The following TOP1 variants were observed in gnomAD, a reference collection of about 807,000 sequenced individuals.
The protein encoded by TOP1 is DNA topoisomerase I.
A neutral mutation model predicts 111.1 loss-of-function variants in TOP1; 10 were observed. The ratio of observed to expected loss-of-function variants is 0.09; its 90% CI spans 0.06 to 0.15. The LOEUF (loss-of-function observed/expected upper bound fraction) is 0.15, where lower values mean the gene tolerates loss of function less well. Ranked by LOEUF, TOP1 falls within the 10% of genes least tolerant of loss-of-function variation. The probability of loss-of-function intolerance (pLI) is 1.00; values close to 1 mark genes in which losing one functional copy is unlikely to be tolerated. For missense variants in TOP1, 474 were observed against 926.7 expected (o/e 0.51, Z 6.34); for synonymous variants, 271 against 302.9 (o/e 0.89, Z 1.10).
Position 41,102,970 on chromosome 20 carries a change from C to T in TOP1, c.1308+1617C>T, listed in dbSNP as rs2034087824. 6.6e-6 allele frequency among the ~76,000 whole-genome samples: 1 copy of T among 152,054 alleles called. No homozygotes were observed. Among genetic ancestry groups the T allele is most frequent in the African/African-American group, 2.4e-5 (1 of 41,388 alleles). ...TGGGTCTTAAAAGTAGTATTTCAAA[C>T]AAGAGAGAACTGTGTCGTGGACAAA... On this transcript the variant is annotated intron_variant, in intron 13 of 20. Coordinates refer to ENST00000361337, the MANE Select transcript of TOP1 (RefSeq NM_003286.4). The surrounding 1 kb of genome is among the most constrained non-coding windows in gnomAD (Gnocchi z 4.0).
At position 41,114,657 on chromosome 20, in the gene TOP1, C is replaced by A. The variant is rs1259613072; in HGVS notation, c.1638+502C>A. 6.6e-6 allele frequency among the ~76,000 whole-genome samples: 1 copy of A among 152,186 alleles called. No individual in the cohort carries two copies. The highest frequency in any genetic ancestry group is 2.1e-4 in the South Asian group (1 of 4,830). On this transcript the variant is annotated intron_variant, in intron 15 of 20. Transcript: ENST00000361337. This position sits in a 1 kb window ranked among gnomAD's most constrained non-coding sequence, Gnocchi z 4.5. The stretch of plus-strand genomic sequence containing the variant: ...CCCTGGTCATGTGGTACATTTGTCA[C>A]TTTTCATCTTTGCTCAGCCTTTCTC...
In TOP1 at chr20:41,071,266, G is replaced by C. The variant is rs2145932119; in HGVS notation, c.156-4905G>C. Among the ~76,000 whole-genome samples, 1 of 152,198 alleles carries C rather than the reference G, an allele frequency of 6.6e-6. No individual in the cohort carries two copies. Among genetic ancestry groups the C allele is most frequent in the South Asian group, 2.1e-4 (1 of 4,824 alleles). On this transcript the variant is annotated intron_variant, in intron 3 of 20. Transcript: ENST00000361337. This position sits in a 1 kb window ranked among gnomAD's most constrained non-coding sequence, Gnocchi z 4.3. ...GTCACCCTTTTCTGTGGTCTGCTTA[G>C]CTCCAACAAGAATCATAGACCAAAG...
At chr20:41,031,316 G>A (rs886358462) in intron 2 of TOP1, among the ~76,000 whole-genome samples, 2 of 152,182 alleles carry the variant, frequency 1.3e-5, no homozygotes, top group African/African-American at 4.8e-5. Context: ...GAGGAAGGTG[G>A]GATCTTTAAT....
Position 41,069,995 on chromosome 20 carries a change from C to T in TOP1, c.156-6176C>T, listed in dbSNP as rs1297506506. ...CAGGGTGGAATAGTAGAAAATGAGA[C>T]CCAAAAAAGTGGCTTGAGGCAAAAC... On this transcript the variant is annotated intron_variant, in intron 3 of 20. Transcript: ENST00000361337. The surrounding 1 kb of genome is among the most constrained non-coding windows in gnomAD (Gnocchi z 4.1). Among the ~76,000 whole-genome samples the T allele has an allele frequency of 6.6e-6, 1 of 151,950 alleles. No individual in the cohort carries two copies. The highest frequency in any genetic ancestry group is 6.6e-5 in the Admixed American group (1 of 15,246).
rs978538227 is a variant in TOP1 at position 41,069,716 on chromosome 20, A to C, written c.156-6455A>C. Among the ~76,000 whole-genome samples, 7 of 152,214 alleles carry C rather than the reference A, an allele frequency of 4.6e-5. No individual in the cohort carries two copies. Among genetic ancestry groups the C allele is most frequent in the Admixed American group, 2.0e-4 (3 of 15,276 alleles). ...TGGAGCTCTTGAGTTTGGTAGTTGA[A>C]TCTAATTCAGTAGTTATTGATAGCA... On this transcript the variant is annotated intron_variant, in intron 3 of 20. Transcript: ENST00000361337. The surrounding 1 kb of genome is among the most constrained non-coding windows in gnomAD (Gnocchi z 4.1).
intron 2 of TOP1, among the ~76,000 whole-genome samples, chr20:41,043,781 C>G (rs1471334090): frequency 1.3e-5 from 2 of 152,200 alleles, no homozygotes; most frequent in Non-Finnish European, 2.9e-5. Flanking sequence ...TCTTCCCAGG[C>G]ATTAAGCGTT....
In TOP1 at chr20:41,100,238, T is replaced by C. The variant is rs778545214; in HGVS notation, c.1158T>C (p.Cys386=). 3.6e-5 allele frequency: 58 copies of C among 1,612,520 alleles called. 3 individuals are homozygous for C. In the South Asian group the frequency reaches 5.9e-4, roughly 16 times the overall value. ...RIMPEDIIIN[C]SKDAKVPSPP... The stretch of plus-strand genomic sequence containing the variant: ...TGCCCGAGGATATAATCATCAACTG[T>C]AGCAAGTGAGCTCGCACTTCATCCT... Residue 386 remains cysteine (C), a synonymous_variant, in exon 12 of 21, where the codon TGT becomes TGC. Coordinates refer to ENST00000361337, the MANE Select transcript of TOP1 (RefSeq NM_003286.4). The surrounding 1 kb of genome is among the most constrained non-coding windows in gnomAD (Gnocchi z 4.4).
rs1216621479 is a variant in TOP1 at position 41,067,396 on chromosome 20, G to C, written c.155+5906G>C. On this transcript the variant is annotated intron_variant, in intron 3 of 20. Coordinates refer to ENST00000361337, the MANE Select transcript of TOP1 (RefSeq NM_003286.4). The surrounding 1 kb of genome is among the most constrained non-coding windows in gnomAD (Gnocchi z 4.0). ...AGCCTCCCAAGGTGCTGGGATTACA[G>C]GCTTGAGCCACCACACCCGGCCTCC... 6.6e-6 allele frequency among the ~76,000 whole-genome samples: 1 copy of C among 152,188 alleles called. No individual in the cohort carries two copies. Among genetic ancestry groups the C allele is most frequent in the African/African-American group, 2.4e-5 (1 of 41,438 alleles).
chr20:41,093,069 A>G (rs1273260692), intron 9 of TOP1, among the ~76,000 whole-genome samples: 3 of 152,198 alleles, frequency 2.0e-5, no homozygotes, highest in Non-Finnish European at 2.9e-5. Flanking sequence ...TCTGTCACCT[A>G]TTCTGTGTAG....
intron 2 of TOP1, among the ~76,000 whole-genome samples, chr20:41,047,895 T>A (rs1451473757): frequency 6.6e-6 from 1 of 152,124 alleles, no homozygotes; most frequent in Non-Finnish European, 1.5e-5. Context: ...ACTCCACCCA[T>A]TAGCGTCCAG....
At position 41,046,148 on chromosome 20, in the gene TOP1, T is replaced by C. The variant is rs2033331266; in HGVS notation, c.59-15246T>C. Among the ~76,000 whole-genome samples the C allele has an allele frequency of 6.6e-6, 1 of 152,164 alleles. No homozygotes were observed. The highest frequency in any genetic ancestry group is 2.4e-5 in the African/African-American group (1 of 41,434). On this transcript the variant is annotated intron_variant, in intron 2 of 20. Transcript: ENST00000361337. The surrounding 1 kb of genome is among the most constrained non-coding windows in gnomAD (Gnocchi z 4.3). ...GAATAGGAATGAAATAAATAGCTGATATTTGAACATTTTTAATGCCCTAGG... is the reference window on the plus strand; with the variant it reads ...GAATAGGAATGAAATAAATAGCTGACATTTGAACATTTTTAATGCCCTAGG...
At chr20:41,059,921 A>G (rs1982589029) in intron 2 of TOP1, among the ~76,000 whole-genome samples, 1 of 152,346 alleles carries the variant, frequency 6.6e-6, no homozygotes, top group Middle Eastern at 3.4e-3. Flanking sequence ...GCACACCAAA[A>G]GATGCTTGTC....
Position 41,097,994 on chromosome 20 carries a change from T to C in TOP1, c.853-221T>C, listed in dbSNP as rs568547888. Among the ~76,000 whole-genome samples, 11 of 152,340 alleles carry C rather than the reference T, an allele frequency of 7.2e-5. 3 individuals carry two copies. The highest frequency in any genetic ancestry group is 2.4e-4 in the African/African-American group (10 of 41,590). On this transcript the variant is annotated intron_variant, in intron 10 of 20. Coordinates refer to ENST00000361337, the MANE Select transcript of TOP1 (RefSeq NM_003286.4). This position sits in a 1 kb window ranked among gnomAD's most constrained non-coding sequence, Gnocchi z 4.2. ...CATAAGAATTCATTTTTTTCCATGA[T>C]AAGTCATTTTAAAACATTTTAATAT...
rs916770019 is a variant in TOP1 at position 41,034,108 on chromosome 20, A to G, written c.58+4653A>G. ...ACTATCCCTTAATTATTTTGAAACC[A>G]TTAACTTTGGATAATAAGGGCATTT... On this transcript the variant is annotated intron_variant, in intron 2 of 20. Transcript: ENST00000361337. The surrounding 1 kb of genome is among the most constrained non-coding windows in gnomAD (Gnocchi z 4.0). Among the ~76,000 whole-genome samples, 6 of 152,340 alleles carry G rather than the reference A, an allele frequency of 3.9e-5. No individual in the cohort carries two copies. In the South Asian group the frequency reaches 1.0e-3, roughly 26 times the overall value.
intron 13 of TOP1, among the ~76,000 whole-genome samples, chr20:41,104,890 A>C (rs544725065): frequency 6.1e-4 from 93 of 152,340 alleles, no homozygotes; most frequent in Non-Finnish European, 1.2e-3. Context: ...CCAGCGGAAG[A>C]AGCATTCTCT....
chr20:41,081,721 C>G (rs902176464), intron 7 of TOP1, among the ~76,000 whole-genome samples: 1 of 152,162 alleles, frequency 6.6e-6, no homozygotes, highest in African/African-American at 2.4e-5. Context: ...AATCTGGCCC[C>G]TGCATCTTGT....
Position 41,121,256 on chromosome 20 carries a change from G to A in TOP1, c.1951-440G>A, listed in dbSNP as rs185460886. ...CTGAGGAACGAGCTGGGGTTGCCCAGTAGATGCAAGTATCCTGCTTCAGTT... is the reference window on the plus strand; with the variant it reads ...CTGAGGAACGAGCTGGGGTTGCCCAATAGATGCAAGTATCCTGCTTCAGTT... On this transcript the variant is annotated intron_variant, in intron 18 of 20. Coordinates refer to ENST00000361337, the MANE Select transcript of TOP1 (RefSeq NM_003286.4). The surrounding 1 kb of genome is among the most constrained non-coding windows in gnomAD (Gnocchi z 4.2). Among the ~76,000 whole-genome samples, 1 of 152,186 alleles carries A rather than the reference G, an allele frequency of 6.6e-6. No individual in the cohort carries two copies. Among genetic ancestry groups the A allele is most frequent in the Non-Finnish European group, 1.5e-5 (1 of 68,038 alleles).
In TOP1 at chr20:41,118,827, T is replaced by A. The variant is rs191683087; in HGVS notation, c.1950+531T>A. Among the ~76,000 whole-genome samples, 328 of 152,352 alleles carry A rather than the reference T, an allele frequency of 2.2e-3. 1 individual carries two copies. Among genetic ancestry groups the A allele is most frequent in the African/African-American group, 6.5e-3 (269 of 41,578 alleles). On this transcript the variant is annotated intron_variant, in intron 18 of 20. Coordinates refer to ENST00000361337, the MANE Select transcript of TOP1 (RefSeq NM_003286.4). The surrounding 1 kb of genome is among the most constrained non-coding windows in gnomAD (Gnocchi z 4.6). The stretch of plus-strand genomic sequence containing the variant: ...AATACTGGCCGTGTGCCAGACAACT[T>A]GCTGCCCTAAAGGGAAAGACTGGTG...
At position 41,094,663 on chromosome 20, in the gene TOP1, G is replaced by T. The variant is rs1249626447; in HGVS notation, c.730+2076G>T. 4.6e-5 allele frequency among the ~76,000 whole-genome samples: 7 copies of T among 152,128 alleles called. 1 individual carries two copies. In the South Asian group the frequency reaches 1.2e-3, roughly 27 times the overall value. On this transcript the variant is annotated intron_variant, in intron 9 of 20. Coordinates refer to ENST00000361337, the MANE Select transcript of TOP1 (RefSeq NM_003286.4). This position sits in a 1 kb window ranked among gnomAD's most constrained non-coding sequence, Gnocchi z 4.4. The stretch of plus-strand genomic sequence containing the variant: ...CTTTGATTGTGTGAACTCTTACTCT[G>T]CAGTAAGTCAAGAAGTCATATTTGA...
Sources: allele counts gnomAD v4.1 joint callset (sites outside exome capture counted in the v4.1 genomes callset), GRCh38; gene constraint gnomAD v4.1.1; non-coding constraint Gnocchi (gnomAD v3.1); transcripts MANE v1.5; gene names NCBI Gene and HGNC (gene_info 2026-07-23, HGNC 2026-07-21).